NR5A2: variants seen among roughly 807,000 people sequenced by gnomAD.
NR5A2 encodes nuclear receptor subfamily 5 group A member 2.
NR5A2 carries 26 observed loss-of-function variants against 62.7 expected under a neutral mutation model. The observed-to-expected ratio is 0.41, with a 90% confidence interval of 0.30 to 0.58. The LOEUF (loss-of-function observed/expected upper bound fraction) is 0.58, where lower values mean the gene tolerates loss of function less well. NR5A2 is among the 20% of genes least tolerant of loss of function. NR5A2 has a pLI of 0.22. For missense variants in NR5A2, 541 were observed against 669.1 expected (o/e 0.81, Z 2.11); for synonymous variants, 246 against 241.7 (o/e 1.02, Z -0.16).
At chr1:200,066,045 T>C (rs968226321) in intron 5 of NR5A2, among the ~76,000 whole-genome samples, 5 of 152,180 alleles carry the variant, frequency 3.3e-5, no homozygotes, top group Non-Finnish European at 7.3e-5. Context: ...AGGAGGATTT[T>C]AAGCAATGGA....
chr1:200,143,308 G>A (rs973035039), intron 7 of NR5A2, among the ~76,000 whole-genome samples: 6 of 152,178 alleles, frequency 3.9e-5, no homozygotes, highest in African/African-American at 7.2e-5. Flanking sequence ...CAGTCACAGA[G>A]GCAGTGGGGG....
chr1:200,047,863 C>A (rs1238848572), intron 4 of NR5A2, among the ~76,000 whole-genome samples: 1 of 152,136 alleles, frequency 6.6e-6, no homozygotes, highest in Non-Finnish European at 1.5e-5. Context: ...CAGGTGTGAG[C>A]CACCGCACCA....
intron 5 of NR5A2, among the ~76,000 whole-genome samples, chr1:200,060,074 C>T (rs902075283): frequency 2.6e-5 from 4 of 152,168 alleles, no homozygotes; most frequent in Non-Finnish European, 1.5e-5. Flanking sequence ...GGCATGGGCG[C>T]CCTGGCTGGC....
chr1:200,097,258 CT>C (rs1206365203), intron 5 of NR5A2, among the ~76,000 whole-genome samples: 4 of 151,996 alleles, frequency 2.6e-5, no homozygotes, highest in Non-Finnish European at 5.9e-5. Flanking sequence ...ATTATTTCTT[CT>C]TTTTTTCTTT....
In NR5A2 at chr1:200,147,609, G is replaced by A; in HGVS notation, c.1379-26354G>A. ...GAACGCTAGGGCAGAGCACATTTTC[G>A]CACAGGCAGCGCCGCAGCTTGCCCT... On this transcript the variant is annotated intron_variant, in intron 7 of 7. Coordinates refer to ENST00000367362, the MANE Select transcript of NR5A2 (RefSeq NM_205860.3). The surrounding 1 kb of genome is among the most constrained non-coding windows in gnomAD (Gnocchi z 4.9). 2 of 715,482 alleles carry A rather than the reference G, an allele frequency of 2.8e-6. No individual in the cohort carries two copies. Among genetic ancestry groups the A allele is most frequent in the Non-Finnish European group, 2.6e-6 (1 of 383,116 alleles). The allele number at this position is 715,482 out of a possible 1,614,324, so 44.3% of individuals were successfully genotyped here.
At chr1:200,082,160 G>T (rs1271533263) in intron 5 of NR5A2, among the ~76,000 whole-genome samples, 1 of 152,120 alleles carries the variant, frequency 6.6e-6, no homozygotes, top group Non-Finnish European at 1.5e-5. Flanking sequence ...CTATTTGACA[G>T]GCAACTGCTT....
chr1:200,055,173 C>T (rs536342595), intron 5 of NR5A2, among the ~76,000 whole-genome samples: 1 of 151,570 alleles, frequency 6.6e-6, no homozygotes, highest in South Asian at 2.1e-4. Context: ...GGAATTAAGG[C>T]ATAACCCACT....
chr1:200,050,356 C>T (rs1436437850), intron 5 of NR5A2, among the ~76,000 whole-genome samples: 1 of 152,204 alleles, frequency 6.6e-6, no homozygotes, highest in Admixed American at 6.5e-5. Context: ...AGACTTTTTA[C>T]AATCAAATGA....
chr1:200,102,523 C>T lies in NR5A2; in HGVS notation c.1111-8679C>T, dbSNP rs183199166. Among the ~76,000 whole-genome samples, 374 of 152,282 alleles carry T rather than the reference C, an allele frequency of 2.5e-3. 6 individuals are homozygous for T. Among genetic ancestry groups the T allele is most frequent in the Non-Finnish European group, 6.9e-4 (47 of 68,034 alleles). ...TGCTGTGCTATTCGTTCACTTTACA[C>T]CTAAACATGTGAACGTTGGGCAGGA... is the stretch of plus-strand genomic sequence containing the variant. On this transcript the variant is annotated intron_variant, in intron 5 of 7. Coordinates refer to ENST00000367362, the MANE Select transcript of NR5A2 (RefSeq NM_205860.3).
intron 5 of NR5A2, among the ~76,000 whole-genome samples, chr1:200,109,844 A>C (rs1665857912): frequency 6.6e-6 from 1 of 152,204 alleles, no homozygotes; most frequent in Middle Eastern, 3.2e-3. Flanking sequence ...TGCTCACTGC[A>C]ATCTCTGCCT....
intron 2 of NR5A2, among the ~76,000 whole-genome samples, 182 bp from the exon 3 acceptor site, chr1:200,043,592 T>C (rs1662220979): frequency 6.6e-6 from 1 of 152,240 alleles, no homozygotes; most frequent in Admixed American, 6.5e-5. Context: ...TCCATGCTTA[T>C]TGATGACAAA....
chr1:200,078,718 C>G lies in NR5A2; in HGVS notation c.1110+29900C>G, dbSNP rs181552528. On this transcript the variant is annotated intron_variant, in intron 5 of 7. Transcript: ENST00000367362. ...TTTAAAGTAACTTCATGCATGTGCT[C>G]TCATTAGATCCTTTATTTACTACCT... Among the ~76,000 whole-genome samples the G allele has an allele frequency of 2.0e-5, 3 of 152,066 alleles. No individual in the cohort carries two copies. In the East Asian group the frequency reaches 5.8e-4, roughly 29 times the overall value.
intron 5 of NR5A2, among the ~76,000 whole-genome samples, chr1:200,104,555 A>G (rs754837035): frequency 5.9e-5 from 9 of 152,182 alleles, no homozygotes; most frequent in Non-Finnish European, 1.0e-4. Context: ...ATGGAAATTC[A>G]TCTTTAGGGA....
chr1:200,043,692 C>T, intron 2 of NR5A2, 82 bp from the exon 3 acceptor site: 1 of 820,478 alleles, frequency 1.2e-6, no homozygotes, highest in Non-Finnish European at 1.9e-6. Context: ...GCCCAGCAAT[C>T]ACCAAAATGC....
chr1:200,089,985 GTATTTGACATGGGGAC>G (rs1177582519), intron 5 of NR5A2, among the ~76,000 whole-genome samples: 4 of 152,088 alleles, frequency 2.6e-5, no homozygotes, highest in African/African-American at 9.7e-5. Flanking sequence ...AGGCCTGGAC[GTATTTGACATGGGGAC>G]TATTTGAAAT....
intron 7 of NR5A2, among the ~76,000 whole-genome samples, chr1:200,142,718 T>C (rs2737623): frequency 0.93 from 141,000 of 152,054 alleles, 65,863 homozygotes; most frequent in Non-Finnish European, 0.98. Context: ...CTAATAGACC[T>C]GTTTTCCCAT....
At chr1:200,145,395 G>A (rs985107022) in intron 7 of NR5A2, among the ~76,000 whole-genome samples, 9 of 151,540 alleles carry the variant, frequency 5.9e-5, no homozygotes, top group African/African-American at 2.2e-4. Flanking sequence ...TGAGTATGAA[G>A]CAGGTGGTTC....
Position 200,174,245 on chromosome 1 carries a change from A to C in NR5A2, c.*35A>C. On this transcript the variant is annotated 3_prime_UTR_variant, in exon 8 of 8. Transcript: ENST00000367362. ...CCTAGGAGCTCTGCTTTCAAAACAA[A>C]AAGAGATTGGGGGAGTGGGGAGGGG... 1 of 1,500,020 alleles carries C rather than the reference A, an allele frequency of 6.7e-7. No homozygotes were observed. The highest frequency in any genetic ancestry group is 1.4e-5 in the South Asian group (1 of 69,264). 92.9% of individuals were successfully genotyped at this position (1,500,020 alleles called of 1,614,324 possible). A position where few individuals can be genotyped will look rare whatever the true frequency, so the allele number is the denominator to read the frequency against.
At chr1:200,029,251 C>A in intron 1 of NR5A2, 1 of 201,980 alleles carries the variant, frequency 5.0e-6, no homozygotes, top group South Asian at 8.4e-5. Flanking sequence ...GGGCTCGCGC[C>A]CGCGCGGGCG....
Sources: gnomAD v4.1 joint callset for allele counts (sites outside exome capture counted in the v4.1 genomes callset) on GRCh38, gnomAD v4.1.1 for gene constraint, Gnocchi (gnomAD v3.1) non-coding constraint, MANE v1.5 for transcripts, NCBI Gene and HGNC (gene_info 2026-07-23, HGNC 2026-07-21) for gene names.